The following SLC23A2 variants were observed in gnomAD, a reference collection of about 807,000 sequenced individuals.
SLC23A2 encodes the protein solute carrier family 23 member 2, also known as Na(+)/L-ascorbic acid transporter 2.
A neutral mutation model predicts 73.3 loss-of-function variants in SLC23A2; 36 were observed. That is an observed-to-expected ratio of 0.49 (90% CI 0.38 to 0.65). The LOEUF (loss-of-function observed/expected upper bound fraction) is 0.65, where lower values mean the gene tolerates loss of function less well. Ranked by LOEUF, SLC23A2 falls within the 30% of genes least tolerant of loss-of-function variation. The probability of loss-of-function intolerance (pLI) is 0.00; values close to 1 mark genes in which losing one functional copy is unlikely to be tolerated. For missense variants in SLC23A2, 507 were observed against 841.6 expected, an observed-to-expected ratio of 0.60 and a Z score of 4.92; for synonymous variants, 343 against 327.3, an observed-to-expected ratio of 1.05 and a Z score of -0.52.
intron 2 of SLC23A2, among the ~76,000 whole-genome samples, chr20:4,945,805 A>G (rs1356561026): frequency 6.6e-6 from 1 of 152,162 alleles, no homozygotes; most frequent in Non-Finnish European, 1.5e-5. Context: ...AACTCTGCAC[A>G]CTGACATGAA....
chr20:4,964,006 AAC>A, intron 2 of SLC23A2, among the ~76,000 whole-genome samples: 1 of 132,348 alleles, frequency 7.6e-6, no homozygotes, highest in Non-Finnish European at 1.6e-5. Context: ...AATTGCCATT[AAC>A]TTATTTTTTT....
At chr20:4,936,946 A>C (rs1278631283) in intron 2 of SLC23A2, among the ~76,000 whole-genome samples, 1 of 152,162 alleles carries the variant, frequency 6.6e-6, no homozygotes, top group Non-Finnish European at 1.5e-5. Flanking sequence ...GGCGTCAGGG[A>C]AGAGGACTGC....
intron 2 of SLC23A2, among the ~76,000 whole-genome samples, chr20:4,937,881 C>A (rs117575479): frequency 6.6e-6 from 1 of 152,178 alleles, no homozygotes; most frequent in East Asian, 1.9e-4. Context: ...CCTTCAAGCT[C>A]CTTTTCCAGG....
chr20:4,989,911 A>C (rs2087898387), intron 1 of SLC23A2, among the ~76,000 whole-genome samples: 2 of 152,188 alleles, frequency 1.3e-5, no homozygotes, highest in African/African-American at 4.8e-5. Context: ...CGGTGCTATT[A>C]CATTTTCCTC....
chr20:4,946,464 G>A (rs2087120549), intron 2 of SLC23A2, among the ~76,000 whole-genome samples: 1 of 152,192 alleles, frequency 6.6e-6, no homozygotes, highest in African/African-American at 2.4e-5. Context: ...ACATCCATGG[G>A]GTGAGTTGGG....
In SLC23A2 at chr20:4,872,345, G is replaced by A. The variant is rs532987517; in HGVS notation, c.1102+1591C>T. Among the ~76,000 whole-genome samples, 10 of 152,206 alleles carry A rather than the reference G, an allele frequency of 6.6e-5. No homozygotes were observed. Among genetic ancestry groups the A allele is most frequent in the Admixed American group, 1.3e-4 (2 of 15,286 alleles). ...GAGCTCTGGTACCCCACCAGCCCTC[G>A]GCAGGCCAGGAGCCCTACGTGCTCG... On this transcript the variant is annotated intron_variant, in intron 11 of 16. Transcript: ENST00000338244. The surrounding 1 kb of genome is among the most constrained non-coding windows in gnomAD (Gnocchi z 4.4).
chr20:4,941,664 G>A (rs1329717286), intron 2 of SLC23A2, among the ~76,000 whole-genome samples: 7 of 150,994 alleles, frequency 4.6e-5, no homozygotes, highest in Admixed American at 2.6e-4. Context: ...ATCCCACCAC[G>A]GCACTCCAGT....
chr20:4,922,910 G>A (rs1164372249), intron 3 of SLC23A2, among the ~76,000 whole-genome samples: 3 of 151,478 alleles, frequency 2.0e-5, no homozygotes, highest in African/African-American at 7.3e-5. Flanking sequence ...GCCTGCTATA[G>A]TAAGAGACTG....
chr20:5,007,385 G>A (rs899247800), intron 1 of SLC23A2, among the ~76,000 whole-genome samples: 3 of 152,078 alleles, frequency 2.0e-5, no homozygotes, highest in Non-Finnish European at 4.4e-5. Context: ...ACAAAAATTA[G>A]CCAGGCATGG....
intron 3 of SLC23A2, among the ~76,000 whole-genome samples, chr20:4,915,525 G>GGA (rs1241592884): frequency 1.3e-5 from 2 of 152,144 alleles, no homozygotes; most frequent in African/African-American, 2.4e-5. Flanking sequence ...AGTACAGCTT[G>GGA]GATTGAGGAG....
intron 9 of SLC23A2, among the ~76,000 whole-genome samples, chr20:4,881,658 C>G (rs1372378044): frequency 2.0e-5 from 3 of 152,090 alleles, no homozygotes; most frequent in Non-Finnish European, 4.4e-5. Flanking sequence ...TTTTCTGTAT[C>G]TTTATTAATT....
chr20:4,979,499 G>C (rs1347205665), intron 1 of SLC23A2, among the ~76,000 whole-genome samples: 1 of 151,578 alleles, frequency 6.6e-6, no homozygotes, highest in East Asian at 1.9e-4. Context: ...GAGGCCAAGA[G>C]TTCAAGACCA....
chr20:4,903,918 A>G (rs1227407279), intron 4 of SLC23A2, among the ~76,000 whole-genome samples: 2 of 152,240 alleles, frequency 1.3e-5, no homozygotes, highest in East Asian at 3.9e-4. Context: ...GGTTGTCCAA[A>G]CCCCGCACAT....
intron 1 of SLC23A2, among the ~76,000 whole-genome samples, chr20:4,984,384 C>T (rs1035960699): frequency 6.6e-6 from 1 of 152,080 alleles, no homozygotes; most frequent in South Asian, 2.1e-4. Context: ...GAAACCCCAT[C>T]TCTACTAAAA....
rs1028509682 is a variant in SLC23A2 at position 4,863,595 on chromosome 20, T to C, written c.1357-688A>G. On this transcript the variant is annotated intron_variant, in intron 13 of 16. Transcript: ENST00000338244. The surrounding 1 kb of genome is among the most constrained non-coding windows in gnomAD (Gnocchi z 4.8). ...GCCGCCCACATGGGCCTGCTGCCAC[T>C]GGCCTTTCCTGCACCCATTCCATGG... is the stretch of plus-strand genomic sequence containing the variant. 6.6e-6 allele frequency among the ~76,000 whole-genome samples: 1 copy of C among 152,208 alleles called. No homozygotes were observed. The highest frequency in any genetic ancestry group is 1.5e-5 in the Non-Finnish European group (1 of 68,036).
At position 4,916,273 on chromosome 20, in the gene SLC23A2, G is replaced by A. The variant is rs570413038; in HGVS notation, c.109-3295C>T. On this transcript the variant is annotated intron_variant, in intron 3 of 16. Coordinates refer to ENST00000338244, the MANE Select transcript of SLC23A2 (RefSeq NM_005116.6). ...CCCACTGAGAAGCCAAGAGCAACAC[G>A]CTCTCAGGATGAACTCTCCTAAAAC... 9.9e-5 allele frequency among the ~76,000 whole-genome samples: 15 copies of A among 152,214 alleles called. No individual in the cohort carries two copies. In the South Asian group the frequency reaches 2.5e-3, roughly 25 times the overall value.
chr20:4,862,301 G>A lies in SLC23A2; in HGVS notation c.1487-216C>T, dbSNP rs759141651. Among the ~76,000 whole-genome samples, 9 of 152,206 alleles carry A rather than the reference G, an allele frequency of 5.9e-5. No individual in the cohort carries two copies. Among genetic ancestry groups the A allele is most frequent in the Non-Finnish European group, 1.2e-4 (8 of 68,036 alleles). On this transcript the variant is annotated intron_variant, in intron 14 of 16. Transcript: ENST00000338244. This position sits in a 1 kb window ranked among gnomAD's most constrained non-coding sequence, Gnocchi z 5.1. ...GCGTACGCGCTATTTGGGCTCCTAC[G>A]GGAGCATAAACACCATGTGGCATTT...
intron 1 of SLC23A2, among the ~76,000 whole-genome samples, chr20:4,992,013 G>C (rs1188726736): frequency 2.6e-5 from 4 of 152,054 alleles, no homozygotes; most frequent in Non-Finnish European, 5.9e-5. Context: ...GGGAGGCTGA[G>C]GCAGGAGAAT....
chr20:4,971,567 AG>A (rs1222543570), intron 1 of SLC23A2, among the ~76,000 whole-genome samples: 1 of 150,206 alleles, frequency 6.7e-6, no homozygotes, highest in African/African-American at 2.5e-5. Flanking sequence ...GGATCACTTG[AG>A]GCCAGGAGTT....
Sources: allele counts gnomAD v4.1 joint callset (sites outside exome capture counted in the v4.1 genomes callset), GRCh38; gene constraint gnomAD v4.1.1; non-coding constraint Gnocchi (gnomAD v3.1); transcripts MANE v1.5; gene names NCBI Gene and HGNC (gene_info 2026-07-23, HGNC 2026-07-21).